Variants in JAM2 observed in about 807,000 individuals in gnomAD.
JAM2 encodes the protein junctional adhesion molecule B.
JAM2 carries 17 observed loss-of-function variants against 42.0 expected under a neutral mutation model. That is an observed-to-expected ratio of 0.40 (90% CI 0.28 to 0.61). The LOEUF (loss-of-function observed/expected upper bound fraction) is 0.61, where lower values mean the gene tolerates loss of function less well. JAM2 is among the 20% of genes least tolerant of loss of function. The pLI is 0.37. For missense variants in JAM2, 319 were observed against 358.3 expected (o/e 0.89, Z 0.89); for synonymous variants, 118 against 128.6 (o/e 0.92, Z 0.56).
chr21:25,714,324 G>A (rs1270825405), intron 9 of JAM2: 1 of 658,184 alleles, frequency 1.5e-6, no homozygotes, highest in Non-Finnish European at 2.3e-6. Flanking sequence ...GGCCAATATG[G>A]TGAAACCCCA....
rs2034098594 is a variant in JAM2 at position 25,698,831 on chromosome 21, C to T, written c.549C>T (p.Ser183=). ...TGCTAGAAAATCCCAGACTTGGCTC[C>T]CAAAGCACCAACAGCTCATACACAA... ...IRLLENPRLG[S]QSTNSSYTMN... is the part of the protein sequence containing the mutation. The change falls in exon 5 of 10, where the codon TCC becomes TCT. Residue 183 remains serine (S), a synonymous_variant. Transcript: ENST00000480456. 2 of 1,614,080 alleles carry T rather than the reference C, an allele frequency of 1.2e-6. No individual in the cohort carries two copies. Among genetic ancestry groups the T allele is most frequent in the East Asian group, 4.5e-5 (2 of 44,882 alleles).
rs370295872 is a variant in JAM2 at position 25,706,093 on chromosome 21, G to T, written c.805+7G>T. On this transcript the variant is annotated splice_region_variant and intron_variant, in intron 7 of 9. Transcript: ENST00000480456. ...AGGAAAGGCTACTTTTCAAGTAAGT[G>T]AATTTCACCCTTCTTTGGCAGATAA... is the stretch of plus-strand genomic sequence containing the variant. The T allele has an allele frequency of 3.2e-4, 497 of 1,541,828 alleles. No individual in the cohort carries two copies. Among genetic ancestry groups the T allele is most frequent in the Admixed American group, 5.7e-4 (34 of 59,914 alleles).
intron 1 of JAM2, among the ~76,000 whole-genome samples, chr21:25,681,663 G>C (rs1163717690): frequency 1.3e-5 from 2 of 152,102 alleles, no homozygotes; most frequent in Non-Finnish European, 2.9e-5. Context: ...ATCCAATATT[G>C]TATACTTACA....
rs1050176829 is a variant in JAM2, at chr21:25,717,194, A to C, written c.*2522A>C. 34 of 153,210 alleles carry C rather than the reference A, an allele frequency of 2.2e-4. No homozygotes were observed. Among genetic ancestry groups the C allele is most frequent in the Middle Eastern group, 3.1e-3 (1 of 322 alleles). 9.5% of individuals were successfully genotyped at this position (153,210 alleles called of 1,614,324 possible). On this transcript the variant is annotated 3_prime_UTR_variant, in exon 10 of 10. Coordinates refer to ENST00000480456, the MANE Select transcript of JAM2 (RefSeq NM_021219.4). The stretch of plus-strand genomic sequence containing the variant: ...CCACACAAAGGGCAGAGTATTGAGC[A>C]CTAATTTCCTATTAAAAGTATATAT...
Position 25,639,680 on chromosome 21 carries a change from A to C in JAM2, c.-142A>C. 1 of 572,968 alleles carries C rather than the reference A, an allele frequency of 1.7e-6. No individual in the cohort carries two copies. Among genetic ancestry groups the C allele is most frequent in the Non-Finnish European group, 3.0e-6 (1 of 328,606 alleles). 35.5% of individuals were successfully genotyped at this position (572,968 alleles called of 1,614,324 possible). On this transcript the variant is annotated 5_prime_UTR_variant, in exon 1 of 10. Transcript: ENST00000480456. Reference sequence around the variant, plus strand: ...CCGGGGAGGGGGAAACTGACATCCCATCTAGAGCCGTCCCTCCTCTTCCTC... The same window carrying C: ...CCGGGGAGGGGGAAACTGACATCCCCTCTAGAGCCGTCCCTCCTCTTCCTC...
At chr21:25,657,631 G>A (rs1203929163) in intron 1 of JAM2, among the ~76,000 whole-genome samples, 2 of 152,150 alleles carry the variant, frequency 1.3e-5, no homozygotes, top group African/African-American at 4.8e-5. Flanking sequence ...GGGCTAGATT[G>A]AGTCAGTTCT....
intron 1 of JAM2, among the ~76,000 whole-genome samples, chr21:25,664,384 C>T (rs1298265316): frequency 4.6e-5 from 7 of 152,132 alleles, no homozygotes; most frequent in South Asian, 4.1e-4. Context: ...TATAGGCGCA[C>T]GCCATCATGC....
chr21:25,649,178 C>A (rs887706250), intron 1 of JAM2, among the ~76,000 whole-genome samples: 3 of 152,186 alleles, frequency 2.0e-5, no homozygotes, highest in Admixed American at 2.0e-4. Flanking sequence ...ATACACCCCT[C>A]AAAAGTTGCT....
chr21:25,699,532 C>T (rs980585687), intron 5 of JAM2, among the ~76,000 whole-genome samples: 2 of 151,994 alleles, frequency 1.3e-5, no homozygotes, highest in Non-Finnish European at 2.9e-5. Flanking sequence ...ACCATCCTGG[C>T]TAACACGGTG....
At chr21:25,660,463 G>A (rs1333166028) in intron 1 of JAM2, among the ~76,000 whole-genome samples, 1 of 151,950 alleles carries the variant, frequency 6.6e-6, no homozygotes, top group Admixed American at 6.6e-5. Context: ...AATTTTATGG[G>A]ACCTATTCCA....
intron 1 of JAM2, among the ~76,000 whole-genome samples, chr21:25,651,791 G>C (rs894134800): frequency 6.6e-6 from 1 of 152,186 alleles, no homozygotes. Flanking sequence ...GCACTGTAGC[G>C]ATATAAAGGA....
intron 8 of JAM2, chr21:25,712,108 C>A: frequency 2.0e-6 from 1 of 504,600 alleles, no homozygotes; most frequent in South Asian, 2.1e-5. Context: ...TAGCCACAAG[C>A]TACATTTACG....
chr21:25,640,023 C>T (rs550836257), intron 1 of JAM2, 135 bp downstream of exon 1: 254 of 575,824 alleles, frequency 4.4e-4, no homozygotes, highest in Non-Finnish European at 6.5e-4. Context: ...GACCTTGCGC[C>T]CAGGCGAGCG....
intron 1 of JAM2, among the ~76,000 whole-genome samples, chr21:25,664,380 C>T (rs1471862044): frequency 2.0e-5 from 3 of 152,090 alleles, no homozygotes; most frequent in Non-Finnish European, 4.4e-5. Context: ...GGGCTATAGG[C>T]GCACGCCATC....
Position 25,648,124 on chromosome 21 carries a change from T to C in JAM2, c.67+8236T>C, listed in dbSNP as rs1191288672. The stretch of plus-strand genomic sequence containing the variant: ...TACTCAGGAGGCTGAGGCATGAGAA[T>C]CACTTGAACGTGGGAGGCGGAGGTT... On this transcript the variant is annotated intron_variant, in intron 1 of 9. Transcript: ENST00000480456. Among the ~76,000 whole-genome samples the C allele has an allele frequency of 2.0e-5, 3 of 152,008 alleles. No individual in the cohort carries two copies. In the East Asian group the frequency reaches 5.8e-4, roughly 29 times the overall value.
In JAM2 at chr21:25,693,775, T is replaced by A. The variant is rs748497397; in HGVS notation, c.261T>A (p.Ala87=). The A allele has an allele frequency of 6.2e-7, 1 of 1,613,450 alleles. No homozygotes were observed. The highest frequency in any genetic ancestry group is 1.3e-5 in the African/African-American group (1 of 74,918). ...TAAAAGGTGATTTTAAAAATCGAGCTGAGATGATAGATTTCAATATCCGGA... is the reference window on the plus strand; with the variant it reads ...TAAAAGGTGATTTTAAAAATCGAGCAGAGATGATAGATTTCAATATCCGGA... ...QTLQGDFKNR[A]EMIDFNIRIK... The change falls in exon 4 of 10, where the codon GCT becomes GCA. Residue 87 remains alanine, a synonymous_variant. Transcript: ENST00000480456.
chr21:25,671,769 A>G (rs183512891), intron 1 of JAM2, among the ~76,000 whole-genome samples: 2 of 152,370 alleles, frequency 1.3e-5, no homozygotes, highest in East Asian at 3.9e-4. Flanking sequence ...TTGGCCTCTC[A>G]AAGTGCTGGG....
At chr21:25,708,490 C>T (rs974494648) in intron 7 of JAM2, among the ~76,000 whole-genome samples, 1 of 152,160 alleles carries the variant, frequency 6.6e-6, no homozygotes, top group African/African-American at 2.4e-5. Flanking sequence ...ATCGCTTGAG[C>T]GCAGAAGGTC....
At chr21:25,678,629 C>T (rs928068161) in intron 1 of JAM2, among the ~76,000 whole-genome samples, 1 of 152,206 alleles carries the variant, frequency 6.6e-6, no homozygotes, top group African/African-American at 2.4e-5. Context: ...TTTCTACAGA[C>T]ATATTTACAG....
Sources: gnomAD v4.1 joint callset for allele counts (sites outside exome capture counted in the v4.1 genomes callset) on GRCh38, gnomAD v4.1.1 for gene constraint, MANE v1.5 for transcripts, NCBI Gene and HGNC (gene_info 2026-07-23, HGNC 2026-07-21) for gene names.